Variants in SLC25A48 observed in about 807,000 individuals in gnomAD.
SLC25A48 encodes the protein CTC-321K16.1.
SLC25A48 carries 29 observed loss-of-function variants against 32.2 expected under a neutral mutation model. That is an observed-to-expected ratio of 0.90 (90% CI 0.67 to 1.23). The LOEUF is 1.23. Among genes scored for constraint, SLC25A48 ranks in the 50% most tolerant of loss-of-function variants. The pLI, the probability that SLC25A48 is intolerant of heterozygous loss-of-function variation, is 0.00. For synonymous variants in SLC25A48, 164 were observed against 172.3 expected (o/e 0.95, Z 0.38); for missense variants, 399 against 422.7 (o/e 0.94, Z 0.49).
intron 4 of SLC25A48, 50 bp from the exon 5 acceptor site, chr5:135,871,411 G>A (rs1761630189): frequency 1.3e-6 from 2 of 1,540,648 alleles, no homozygotes; most frequent in Non-Finnish European, 1.8e-6. Flanking sequence ...GGAATGTCCA[G>A]TCTCTTACAC....
intron 3 of SLC25A48, among the ~76,000 whole-genome samples, 193 bp from the exon 4 acceptor site, chr5:135,852,370 G>A (rs1759943089): frequency 6.6e-6 from 1 of 152,194 alleles, no homozygotes; most frequent in Non-Finnish European, 1.5e-5. Flanking sequence ...TGCAGAAGCC[G>A]GGCTGTCCTC....
At chr5:135,765,768 G>A (rs763262194) in intron 3 of SLC25A48, among the ~76,000 whole-genome samples, 1 of 151,618 alleles carries the variant, frequency 6.6e-6, no homozygotes, top group Non-Finnish European at 1.5e-5. Flanking sequence ...GTAATATCTT[G>A]GGTGGGAGAG....
intron 3 of SLC25A48, among the ~76,000 whole-genome samples, chr5:135,788,164 G>A (rs1224780030): frequency 6.6e-6 from 1 of 151,646 alleles, no homozygotes; most frequent in Non-Finnish European, 1.5e-5. Flanking sequence ...AATGTCCGGG[G>A]TGGGGGGAAG....
chr5:135,603,965 G>A (rs1262285391), intron 1 of SLC25A48, among the ~76,000 whole-genome samples: 3 of 152,168 alleles, frequency 2.0e-5, no homozygotes, highest in Admixed American at 2.0e-4. Flanking sequence ...ATGAGTACAG[G>A]GGAAAGCAGA....
chr5:135,659,126 TTC>T (rs779390292), intron 3 of SLC25A48, among the ~76,000 whole-genome samples: 105 of 152,374 alleles, frequency 6.9e-4, no homozygotes, highest in Middle Eastern at 3.4e-3. Context: ...CAAACTTTTA[TTC>T]TCTGTTTCCC....
chr5:135,792,693 G>A (rs138881013), intron 3 of SLC25A48, among the ~76,000 whole-genome samples: 1 of 151,584 alleles, frequency 6.6e-6, no homozygotes, highest in Non-Finnish European at 1.5e-5. Context: ...CACCATATTT[G>A]TACTCCCTGG....
chr5:135,864,530 G>T (rs988630916), intron 4 of SLC25A48, among the ~76,000 whole-genome samples: 1 of 152,170 alleles, frequency 6.6e-6, no homozygotes, highest in African/African-American at 2.4e-5. Context: ...AGACAACCCA[G>T]GCCTGTATAG....
chr5:135,865,460 T>C (rs914212818), intron 4 of SLC25A48, among the ~76,000 whole-genome samples: 1 of 152,160 alleles, frequency 6.6e-6, no homozygotes, highest in South Asian at 2.1e-4. Context: ...ATCTAAGCAG[T>C]GCTGTAGGTG....
chr5:135,790,408 CTT>C (rs1455499448), intron 3 of SLC25A48, among the ~76,000 whole-genome samples: 1 of 151,828 alleles, frequency 6.6e-6, no homozygotes, highest in African/African-American at 2.4e-5. Context: ...AGTTGTTACT[CTT>C]AATGTCACAG....
chr5:135,782,274 C>T lies in SLC25A48; in HGVS notation c.-520-30249C>T, dbSNP rs575964410. On this transcript the variant is annotated intron_variant, in intron 3 of 10. Coordinates refer to the SLC25A48 transcript ENST00000646290. ...CTCCCAATATTGCAGAGGGTATACA[C>T]CCCACTATGGTGTTGTTTTCAATAT... 4.8e-4 allele frequency among the ~76,000 whole-genome samples: 56 copies of T among 115,526 alleles called. 16 individuals are homozygous for T. The highest frequency in any genetic ancestry group is 9.2e-4 in the Non-Finnish European group (43 of 46,672). 75.8% of individuals were successfully genotyped at this position (115,526 alleles called of 152,430 possible). A position where few individuals can be genotyped will look rare whatever the true frequency, so the allele number is the denominator to read the frequency against.
At chr5:135,720,253 G>T (rs543077958) in intron 3 of SLC25A48, among the ~76,000 whole-genome samples, 1 of 152,330 alleles carries the variant, frequency 6.6e-6, no homozygotes, top group African/African-American at 2.4e-5. Context: ...TAAGACAGCT[G>T]CTGGGACCCA....
chr5:135,850,324 C>G (rs1170844039), intron 2 of SLC25A48, 101 bp from the exon 3 acceptor site: 1 of 1,178,812 alleles, frequency 8.5e-7, no homozygotes, highest in Non-Finnish European at 1.3e-6. Context: ...CCTTTGCTGG[C>G]GGGGGTCACT....
intron 2 of SLC25A48, among the ~76,000 whole-genome samples, chr5:135,850,074 G>A (rs1343630493): frequency 6.6e-6 from 1 of 152,184 alleles, no homozygotes; most frequent in African/African-American, 2.4e-5. Context: ...AGAAGAGCAG[G>A]TGTCCCCCAA....
At position 135,836,055 on chromosome 5, in the gene SLC25A48, A is replaced by G. The variant is rs146384778; in HGVS notation, c.46+1162A>G. ...TCCTTTTTGACTGGACAATTATTCC[A>G]CCATTCAGCGGGGCAGGCAGAGAGA... On this transcript the variant is annotated intron_variant, in intron 1 of 7. Transcript: ENST00000681962. Among the ~76,000 whole-genome samples, 309 of 152,256 alleles carry G rather than the reference A, an allele frequency of 2.0e-3. 1 individual carries two copies. Among genetic ancestry groups the G allele is most frequent in the African/African-American group, 6.9e-3 (287 of 41,550 alleles).
chr5:135,871,990 C>T lies in SLC25A48; in HGVS notation c.679+272C>T, dbSNP rs138796450. 155 of 1,333,016 alleles carry T rather than the reference C, an allele frequency of 1.2e-4. No homozygotes were observed. In the African/African-American group the frequency reaches 2.1e-3, roughly 18 times the overall value. The allele number at this position is 1,333,016 out of a possible 1,614,324, so 82.6% of individuals were successfully genotyped here. ...ATACTCTGTGTCAGGCATTACTAAGCTTTGGAAAGGAAATCCATTATCATG... is the reference window on the plus strand; with the variant it reads ...ATACTCTGTGTCAGGCATTACTAAGTTTTGGAAAGGAAATCCATTATCATG... On this transcript the variant is annotated intron_variant, in intron 5 of 7. Coordinates refer to ENST00000681962, the MANE Select transcript of SLC25A48 (RefSeq NM_001349336.2).
intron 3 of SLC25A48, among the ~76,000 whole-genome samples, chr5:135,644,954 GT>G (rs1752924723): frequency 6.6e-6 from 1 of 152,090 alleles, no homozygotes; most frequent in African/African-American, 2.4e-5. Context: ...GAGAACTCCA[GT>G]TCAAATACAA....
intron 1 of SLC25A48, among the ~76,000 whole-genome samples, chr5:135,603,904 C>T (rs940132107): frequency 3.9e-4 from 59 of 152,026 alleles, no homozygotes; most frequent in Non-Finnish European, 6.8e-4. Context: ...TAACCTCTAC[C>T]GGGATCAGGC....
intron 1 of SLC25A48, among the ~76,000 whole-genome samples, chr5:135,597,196 A>ATATCTC (rs960515733): frequency 5.9e-5 from 9 of 152,352 alleles, no homozygotes; most frequent in African/African-American, 1.7e-4. Context: ...TGCCAGGCAC[A>ATATCTC]TATCTCTATC....
chr5:135,793,033 G>T (rs1454580919), intron 3 of SLC25A48, among the ~76,000 whole-genome samples: 1 of 151,328 alleles, frequency 6.6e-6, no homozygotes, highest in Non-Finnish European at 1.5e-5. Context: ...ATCACAGTGG[G>T]TGTACACCAG....
Sources: gnomAD v4.1 joint callset for allele counts (sites outside exome capture counted in the v4.1 genomes callset) on GRCh38, gnomAD v4.1.1 for gene constraint, MANE v1.5 for transcripts, NCBI Gene and HGNC (gene_info 2026-07-23, HGNC 2026-07-21) for gene names.